UNC5B: variants seen among roughly 807,000 people sequenced by gnomAD.
UNC5B encodes the protein unc-5 netrin receptor B, also known as netrin receptor UNC5B.
UNC5B carries 56 observed loss-of-function variants against 103.7 expected under a neutral mutation model. The observed-to-expected ratio is 0.54, with a 90% CI of 0.44 to 0.67. UNC5B has a LOEUF of 0.67. UNC5B is among the 30% of genes least tolerant of loss of function. The pLI, the probability that UNC5B is intolerant of heterozygous loss-of-function variation, is 0.00. For missense variants in UNC5B, 1,194 were observed against 1,284.5 expected (o/e 0.93, Z 1.08); for synonymous variants, 577 against 542.0 (o/e 1.06, Z -0.90).
At chr10:71,229,513 C>T (rs151244141) in intron 1 of UNC5B, among the ~76,000 whole-genome samples, 210 of 152,322 alleles carry the variant, frequency 1.4e-3, no homozygotes, top group African/African-American at 4.8e-3. Flanking sequence ...TGCTGAGGGT[C>T]TGACCTCTCA....
In UNC5B at chr10:71,290,912, C is replaced by T. The variant is rs1845231744; in HGVS notation, c.1100-3C>T. The T allele has an allele frequency of 1.2e-6, 2 of 1,609,816 alleles. No homozygotes were observed. Among genetic ancestry groups the T allele is most frequent in the African/African-American group, 1.3e-5 (1 of 74,924 alleles). On this transcript the variant is annotated splice_region_variant and splice_polypyrimidine_tract_variant and intron_variant, in intron 8 of 16. Coordinates refer to ENST00000335350, the MANE Select transcript of UNC5B (RefSeq NM_170744.5). ...CCCTTATGTGGTCCTCCTGTCCCCG[C>T]AGTGCTGGAGGCCTCAGGGGATGCG... is the stretch of plus-strand genomic sequence containing the variant.
At chr10:71,277,240 C>T (rs1455389924) in intron 1 of UNC5B, among the ~76,000 whole-genome samples, 4 of 152,230 alleles carry the variant, frequency 2.6e-5, no homozygotes, top group Non-Finnish European at 4.4e-5. Context: ...GGGGCAGGCA[C>T]GTGACATGCA....
intron 1 of UNC5B, among the ~76,000 whole-genome samples, chr10:71,270,075 TG>T (rs1468494928): frequency 2.6e-5 from 4 of 152,100 alleles, no homozygotes; most frequent in Non-Finnish European, 5.9e-5. Flanking sequence ...GTTGGCCGGG[TG>T]CAGTGGCTCA....
In UNC5B at chr10:71,288,966, ACT is replaced by A; in HGVS notation, c.1078_1079del (p.Leu360LysfsTer45). On this transcript the variant is annotated frameshift_variant, in exon 8 of 17. Transcript: ENST00000335350. LOFTEE classifies it high-confidence loss of function. Reference sequence around the variant, plus strand: ...TTTATTTCCCTTGACAGATAAGAAAACTCTAAGCGACCCCAACAGCCACCGTA... The same window carrying A: ...TTTATTTCCCTTGACAGATAAGAAAACTAAGCGACCCCAACAGCCACCGTA... ...TDGLCMQNKK[T>X]LSDPNSHLLE... The A allele has an allele frequency of 1.2e-6, 2 of 1,613,870 alleles. No individual in the cohort carries two copies. The highest frequency in any genetic ancestry group is 1.7e-6 in the Non-Finnish European group (2 of 1,179,954).
At chr10:71,263,123 C>G (rs1050520194) in intron 1 of UNC5B, among the ~76,000 whole-genome samples, 3 of 152,150 alleles carry the variant, frequency 2.0e-5, no homozygotes, top group Non-Finnish European at 4.4e-5. Context: ...AGGCTTGCAG[C>G]CTGGGCATCC....
intron 1 of UNC5B, among the ~76,000 whole-genome samples, chr10:71,278,769 G>A (rs905124068): frequency 1.3e-5 from 2 of 152,254 alleles, no homozygotes; most frequent in Non-Finnish European, 2.9e-5. Context: ...GGGCTGGGCG[G>A]CCATGCGCCA....
At chr10:71,278,395 G>T (rs1844824519) in intron 1 of UNC5B, among the ~76,000 whole-genome samples, 1 of 151,418 alleles carries the variant, frequency 6.6e-6, no homozygotes, top group Non-Finnish European at 1.5e-5. Flanking sequence ...TCTCTCCCTG[G>T]GCCCTACAGA....
At chr10:71,233,739 G>A (rs1843724770) in intron 1 of UNC5B, among the ~76,000 whole-genome samples, 1 of 152,228 alleles carries the variant, frequency 6.6e-6, no homozygotes, top group African/African-American at 2.4e-5. Context: ...GGAACTGGAG[G>A]TGGGGCACAG....
intron 10 of UNC5B, 125 bp from the exon 11 acceptor site, chr10:71,292,342 C>A: frequency 1.3e-6 from 1 of 788,334 alleles, no homozygotes; most frequent in Non-Finnish European, 2.1e-6. Context: ...GTCTCCCACC[C>A]CTGGCTGGGG....
At chr10:71,240,380 A>G (rs955128674) in intron 1 of UNC5B, among the ~76,000 whole-genome samples, 2 of 152,222 alleles carry the variant, frequency 1.3e-5, no homozygotes, top group South Asian at 4.1e-4. Context: ...CCCTTCTCCC[A>G]GTAGGGGGGA....
intron 1 of UNC5B, among the ~76,000 whole-genome samples, chr10:71,258,220 T>G (rs985222438): frequency 6.6e-6 from 1 of 152,166 alleles, no homozygotes; most frequent in Non-Finnish European, 1.5e-5. Flanking sequence ...TTCCACTGAG[T>G]AAGGTTCCCT....
intron 8 of UNC5B, among the ~76,000 whole-genome samples, chr10:71,289,354 G>T (rs1845185761): frequency 6.6e-6 from 1 of 152,144 alleles, no homozygotes; most frequent in Non-Finnish European, 1.5e-5. Flanking sequence ...ATATGCCCTT[G>T]GCCCTCCTCT....
intron 1 of UNC5B, among the ~76,000 whole-genome samples, chr10:71,239,051 G>A (rs1013209522): frequency 6.6e-6 from 1 of 152,238 alleles, no homozygotes; most frequent in Admixed American, 6.5e-5. Flanking sequence ...GCTGTCCTGG[G>A]ATGGTGGAAG....
chr10:71,268,983 C>G (rs1844583462), intron 1 of UNC5B, among the ~76,000 whole-genome samples: 1 of 152,216 alleles, frequency 6.6e-6, no homozygotes, highest in Admixed American at 6.5e-5. Context: ...GAGCAGGCAG[C>G]CCAGCTGGCC....
Position 71,286,829 on chromosome 10 carries a change from G to A in UNC5B, c.693G>A (p.Val231=), listed in dbSNP as rs1845099125. 1.9e-6 allele frequency: 3 copies of A among 1,614,040 alleles called. No individual in the cohort carries two copies. Among genetic ancestry groups the A allele is most frequent in the African/African-American group, 1.3e-5 (1 of 74,922 alleles). Residue 231 remains valine, a synonymous_variant, in exon 5 of 17, where the codon GTG becomes GTA. Coordinates refer to ENST00000335350, the MANE Select transcript of UNC5B (RefSeq NM_170744.5). ...ATACCTGCGTGGCCAAGAACATCGT[G>A]GCCAAACGCCGGAGCACCACTGCCA... ...ANYTCVAKNI[V]AKRRSTTATV...
chr10:71,219,354 G>T (rs552678211), intron 1 of UNC5B, among the ~76,000 whole-genome samples: 43 of 152,262 alleles, frequency 2.8e-4, no homozygotes, highest in Middle Eastern at 6.8e-3. Context: ...CCTTCTGCTG[G>T]CTGAGGAGCA....
chr10:71,266,775 CCA>C (rs1224193422), intron 1 of UNC5B, among the ~76,000 whole-genome samples: 1 of 152,170 alleles, frequency 6.6e-6, no homozygotes. Context: ...GTCTCCCTGT[CCA>C]CAGTTTCAGT....
chr10:71,288,935 T>C (rs746399940), intron 7 of UNC5B, 23 bp from the exon 8 acceptor site: 2 of 1,613,138 alleles, frequency 1.2e-6, no homozygotes, highest in African/African-American at 2.7e-5. Context: ...TGTCATTGTC[T>C]TTCCCTTTAT....
chr10:71,280,616 C>T (rs550256478), intron 2 of UNC5B, among the ~76,000 whole-genome samples: 2 of 152,218 alleles, frequency 1.3e-5, no homozygotes, highest in South Asian at 4.1e-4. Flanking sequence ...CTGGGAAACT[C>T]GAGGAAGCCT....
Sources: allele counts gnomAD v4.1 joint callset (sites outside exome capture counted in the v4.1 genomes callset), GRCh38; gene constraint gnomAD v4.1.1; transcripts MANE v1.5; gene names NCBI Gene and HGNC (gene_info 2026-07-23, HGNC 2026-07-21).